The following NRG1 variants were observed in gnomAD, a reference collection of about 807,000 sequenced individuals.
NRG1 encodes neuregulin 1.
Under a neutral mutation model 63.8 loss-of-function variants are expected in NRG1, and 18 were observed. The observed-to-expected ratio is 0.28, with a 90% CI of 0.19 to 0.42. The LOEUF is 0.42. Ranked by LOEUF, NRG1 falls within the 10% of genes least tolerant of loss-of-function variation. The probability of loss-of-function intolerance (pLI) is 1.00; values close to 1 mark genes in which losing one functional copy is unlikely to be tolerated. For missense variants in NRG1, 762 were observed against 814.7 expected (o/e 0.94, Z 0.79); for synonymous variants, 302 against 301.3 (o/e 1.00, Z -0.02).
chr8:32,489,533 T>C (rs1169951894), intron 1 of NRG1, among the ~76,000 whole-genome samples: 1 of 152,178 alleles, frequency 6.6e-6, no homozygotes, highest in Non-Finnish European at 1.5e-5. Flanking sequence ...TCTGCTCATG[T>C]CTGCCTACCT....
At chr8:32,410,801 C>T (rs1375667925) in intron 1 of NRG1, among the ~76,000 whole-genome samples, 1 of 152,034 alleles carries the variant, frequency 6.6e-6, no homozygotes, top group African/African-American at 2.4e-5. Flanking sequence ...GGTTATGAAC[C>T]TGTTTAAGGA....
At chr8:31,680,126 GTTTATT>G (rs1374187712) in intron 1 of NRG1, among the ~76,000 whole-genome samples, 80 of 151,546 alleles carry the variant, frequency 5.3e-4, no homozygotes, top group Non-Finnish European at 7.4e-5. Flanking sequence ...TCCTAAAATT[GTTTATT>G]TTTATTTTTT....
chr8:32,694,947 A>G (rs745413538), intron 5 of NRG1, among the ~76,000 whole-genome samples: 25 of 152,162 alleles, frequency 1.6e-4, no homozygotes, highest in Non-Finnish European at 2.5e-4. Flanking sequence ...CTCTGACGGG[A>G]CCTGGCATGG....
At chr8:32,061,507 C>T (rs1174314723) in intron 1 of NRG1, among the ~76,000 whole-genome samples, 2 of 151,976 alleles carry the variant, frequency 1.3e-5, no homozygotes, top group Non-Finnish European at 2.9e-5. Context: ...ATATTCCCGC[C>T]TTCCACTTGT....
chr8:32,554,915 TTCTC>T (rs71208194), intron 1 of NRG1, among the ~76,000 whole-genome samples: 5 of 147,116 alleles, frequency 3.4e-5, no homozygotes, highest in African/African-American at 1.2e-4. Context: ...TGCTTTTTTC[TTCTC>T]TCTCTCTCTC....
intron 1 of NRG1, among the ~76,000 whole-genome samples, chr8:31,926,100 G>A (rs1348127851): frequency 5.3e-5 from 8 of 152,192 alleles, no homozygotes; most frequent in African/African-American, 1.9e-4. Flanking sequence ...AGGAATTTAA[G>A]TACAGATAGA....
At chr8:32,130,933 T>C (rs1428353213) in intron 1 of NRG1, among the ~76,000 whole-genome samples, 3 of 151,988 alleles carry the variant, frequency 2.0e-5, no homozygotes, top group Non-Finnish European at 4.4e-5. Flanking sequence ...TGCATTCATA[T>C]TTTTAAAGTC....
intron 6 of NRG1, among the ~76,000 whole-genome samples, chr8:32,730,042 C>G (rs1823244562): frequency 6.6e-6 from 1 of 152,110 alleles, no homozygotes; most frequent in Non-Finnish European, 1.5e-5. Context: ...GACTTAGAGC[C>G]AGAACAGTAA....
chr8:31,750,502 G>A (rs768399666), intron 1 of NRG1, among the ~76,000 whole-genome samples: 2 of 152,088 alleles, frequency 1.3e-5, no homozygotes, highest in Non-Finnish European at 2.9e-5. Context: ...AACTGTAAGA[G>A]CTGAATGATT....
intron 1 of NRG1, among the ~76,000 whole-genome samples, chr8:31,998,591 C>G (rs1453813081): frequency 6.6e-6 from 1 of 151,980 alleles, no homozygotes; most frequent in Non-Finnish European, 1.5e-5. Context: ...TGCAAACTTT[C>G]AGAACTCACT....
chr8:31,658,530 A>T (rs1373952511), intron 1 of NRG1, among the ~76,000 whole-genome samples: 1 of 152,008 alleles, frequency 6.6e-6, no homozygotes, highest in South Asian at 2.1e-4. Context: ...TGGTGCAATC[A>T]TGGCTCACTA....
At chr8:32,204,165 T>C (rs527467326) in intron 1 of NRG1, among the ~76,000 whole-genome samples, 1 of 152,206 alleles carries the variant, frequency 6.6e-6, no homozygotes, top group African/African-American at 2.4e-5. Context: ...GCTGACTCAG[T>C]GAGATGGGAA....
intron 1 of NRG1, among the ~76,000 whole-genome samples, chr8:31,867,911 T>C (rs927817435): frequency 1.3e-5 from 2 of 152,146 alleles, no homozygotes; most frequent in African/African-American, 4.8e-5. Context: ...GAAGGTATAT[T>C]GTAAAAGATA....
At chr8:32,252,582 G>C (rs1282014340) in intron 1 of NRG1, among the ~76,000 whole-genome samples, 1 of 152,166 alleles carries the variant, frequency 6.6e-6, no homozygotes, top group Admixed American at 6.5e-5. Context: ...GTACCATGCT[G>C]TTTGGGTTAC....
intron 1 of NRG1, among the ~76,000 whole-genome samples, chr8:32,518,551 G>A (rs1032670528): frequency 3.3e-5 from 5 of 152,098 alleles, no homozygotes; most frequent in Non-Finnish European, 7.4e-5. Flanking sequence ...GACGACATGT[G>A]AAGATGTAAA....
chr8:32,535,649 T>C (rs745826127), intron 1 of NRG1, among the ~76,000 whole-genome samples: 1 of 152,218 alleles, frequency 6.6e-6, no homozygotes, highest in Non-Finnish European at 1.5e-5. Flanking sequence ...GATCTACAAA[T>C]AGAGGAGATT....
chr8:31,769,070 C>G (rs1046605493), intron 1 of NRG1, among the ~76,000 whole-genome samples: 1 of 152,106 alleles, frequency 6.6e-6, no homozygotes, highest in African/African-American at 2.4e-5. Flanking sequence ...TACTCCTTAC[C>G]CTGCTTTAAA....
At chr8:32,422,932 T>C (rs1313369190) in intron 1 of NRG1, among the ~76,000 whole-genome samples, 3 of 152,210 alleles carry the variant, frequency 2.0e-5, no homozygotes, top group Non-Finnish European at 4.4e-5. Flanking sequence ...AAGCCAAACT[T>C]TCACATGGTT....
At chr8:32,075,586 G>C (rs1826372762) in intron 1 of NRG1, among the ~76,000 whole-genome samples, 1 of 151,874 alleles carries the variant, frequency 6.6e-6, no homozygotes, top group Non-Finnish European at 1.5e-5. Flanking sequence ...AATATAATGT[G>C]AATGCTATGT....
Sources: gnomAD v4.1 joint callset for allele counts (sites outside exome capture counted in the v4.1 genomes callset) on GRCh38, gnomAD v4.1.1 for gene constraint, MANE v1.5 for transcripts, NCBI Gene and HGNC (gene_info 2026-07-23, HGNC 2026-07-21) for gene names.